Variants in INPP4B observed in about 807,000 individuals in gnomAD.
INPP4B encodes the protein inositol polyphosphate-4-phosphatase type II B.
In INPP4B, 55 loss-of-function variants were observed where a neutral mutation model predicts 122.5. The ratio of observed to expected loss-of-function variants is 0.45; its 90% confidence interval spans 0.36 to 0.56. The LOEUF (loss-of-function observed/expected upper bound fraction) is 0.56. INPP4B is among the 20% of genes least tolerant of loss of function. The pLI, the probability that INPP4B is intolerant of heterozygous loss-of-function variation, is 0.00. For synonymous variants in INPP4B, 403 were observed against 388.7 expected, an observed-to-expected ratio of 1.04 and a Z score of -0.43; for missense variants, 1,000 against 1,097.7, an observed-to-expected ratio of 0.91 and a Z score of 1.26.
At position 142,271,182 on chromosome 4, in the gene INPP4B, A is replaced by C. The variant is rs1002900192; in HGVS notation, c.504-408T>G. ...GGTGTCAAACTCCCAACCTCAGGTG[A>C]TCCACCCGCCTAGGCCTCCCAAAGT... is the stretch of plus-strand genomic sequence containing the variant. On this transcript the variant is annotated intron_variant, in intron 9 of 25. Transcript: ENST00000262992. 2.3e-4 allele frequency among the ~76,000 whole-genome samples: 35 copies of C among 152,078 alleles called. 1 individual carries two copies. Among genetic ancestry groups the C allele is most frequent in the Admixed American group, 1.8e-3 (28 of 15,260 alleles).
chr4:142,568,118 G>C (rs2150148579), intron 2 of INPP4B, among the ~76,000 whole-genome samples: 1 of 150,542 alleles, frequency 6.6e-6, no homozygotes, highest in African/African-American at 2.4e-5. Context: ...GTTTGGCTTT[G>C]ATTATTCTTT....
At chr4:142,792,466 T>C (rs1014390887) in intron 1 of INPP4B, among the ~76,000 whole-genome samples, 2 of 152,106 alleles carry the variant, frequency 1.3e-5, no homozygotes, top group Non-Finnish European at 2.9e-5. Flanking sequence ...TAATAATTCT[T>C]TGAATGCTTT....
At chr4:142,265,958 G>T (rs915681674) in intron 10 of INPP4B, among the ~76,000 whole-genome samples, 13 of 152,182 alleles carry the variant, frequency 8.5e-5, no homozygotes, top group African/African-American at 3.1e-4. Flanking sequence ...GAGTCAAAAG[G>T]TGGGCTAGTT....
chr4:142,494,124 T>C (rs1460258250), intron 2 of INPP4B, among the ~76,000 whole-genome samples: 2 of 152,170 alleles, frequency 1.3e-5, no homozygotes, highest in Non-Finnish European at 2.9e-5. Flanking sequence ...CCACCATGAT[T>C]GTAAGTTTCC....
At chr4:142,679,069 C>A (rs1758216071) in intron 2 of INPP4B, among the ~76,000 whole-genome samples, 1 of 151,846 alleles carries the variant, frequency 6.6e-6, no homozygotes. Flanking sequence ...TTTATTTTTA[C>A]CTCTCAAGAG....
At chr4:142,293,991 G>A (rs2151007225) in intron 9 of INPP4B, among the ~76,000 whole-genome samples, 1 of 152,296 alleles carries the variant, frequency 6.6e-6, no homozygotes, top group East Asian at 1.9e-4. Flanking sequence ...GCTAAGTAAT[G>A]TGTACACGTG....
chr4:142,170,510 G>A (rs948843408), intron 16 of INPP4B, among the ~76,000 whole-genome samples: 2 of 151,654 alleles, frequency 1.3e-5, no homozygotes, highest in Non-Finnish European at 3.0e-5. Flanking sequence ...AAAACACAAC[G>A]TGTGTGATTG....
In INPP4B at chr4:142,604,440, C is replaced by G. The variant is rs76041795; in HGVS notation, c.-191+121399G>C. Among the ~76,000 whole-genome samples the G allele has an allele frequency of 1.9e-3, 285 of 152,140 alleles. 1 individual carries two copies. Among genetic ancestry groups the G allele is most frequent in the Admixed American group, 2.6e-3 (40 of 15,272 alleles). On this transcript the variant is annotated intron_variant, in intron 2 of 25. Coordinates refer to ENST00000262992, the MANE Select transcript of INPP4B (RefSeq NM_001101669.3). ...TTGGAAAAGAGGAAGTTAAATTTGTCTCTTTCCAGATGACATGATCTTATA... is the reference window on the plus strand; with the variant it reads ...TTGGAAAAGAGGAAGTTAAATTTGTGTCTTTCCAGATGACATGATCTTATA...
intron 16 of INPP4B, among the ~76,000 whole-genome samples, chr4:142,167,557 A>T (rs77197874): frequency 0.098 from 14,854 of 151,762 alleles, 803 homozygotes; most frequent in Middle Eastern, 0.14. Flanking sequence ...CTAACATTAA[A>T]TTTTTAAAAA....
intron 1 of INPP4B, among the ~76,000 whole-genome samples, chr4:142,758,888 A>G (rs1326119905): frequency 6.6e-6 from 1 of 150,816 alleles, no homozygotes; most frequent in African/African-American, 2.4e-5. Flanking sequence ...AGATGGTGGA[A>G]GTTGCAGGGA....
At chr4:142,630,562 C>A (rs920857489) in intron 2 of INPP4B, among the ~76,000 whole-genome samples, 1 of 151,950 alleles carries the variant, frequency 6.6e-6, no homozygotes, top group African/African-American at 2.4e-5. Flanking sequence ...CTGAGGGCAA[C>A]TAGAAATCTG....
chr4:142,374,511 A>G (rs904402354), intron 7 of INPP4B, among the ~76,000 whole-genome samples: 1 of 151,906 alleles, frequency 6.6e-6, no homozygotes, highest in Non-Finnish European at 1.5e-5. Context: ...GGGAAACAGC[A>G]TATATGCCAC....
intron 7 of INPP4B, among the ~76,000 whole-genome samples, chr4:142,376,744 G>A (rs569491002): frequency 1.3e-5 from 2 of 152,056 alleles, no homozygotes; most frequent in South Asian, 4.2e-4. Context: ...ACTTCCTATA[G>A]TTCAGTGGAT....
intron 2 of INPP4B, among the ~76,000 whole-genome samples, chr4:142,548,404 A>G (rs1335755156): frequency 6.6e-6 from 1 of 152,230 alleles, no homozygotes; most frequent in Non-Finnish European, 1.5e-5. Context: ...GGAAAAGTCT[A>G]CTTTCTGAAA....
intron 11 of INPP4B, among the ~76,000 whole-genome samples, chr4:142,255,227 C>A (rs924523460): frequency 5.3e-5 from 8 of 151,910 alleles, no homozygotes; most frequent in Non-Finnish European, 7.4e-5. Flanking sequence ...AAAGGAACAA[C>A]CGGTACCAGC....
At chr4:142,168,222 T>C (rs943476058) in intron 16 of INPP4B, among the ~76,000 whole-genome samples, 2 of 151,544 alleles carry the variant, frequency 1.3e-5, no homozygotes, top group African/African-American at 4.8e-5. Flanking sequence ...TGTAGTTTCA[T>C]TAAATTTTGA....
chr4:142,291,600 C>T (rs1030072414), intron 9 of INPP4B, among the ~76,000 whole-genome samples: 3 of 152,142 alleles, frequency 2.0e-5, no homozygotes, highest in African/African-American at 7.2e-5. Flanking sequence ...ACTGTCTTCT[C>T]GCTTCACAGT....
chr4:142,465,749 T>C (rs1418935909), intron 2 of INPP4B, among the ~76,000 whole-genome samples: 2 of 152,166 alleles, frequency 1.3e-5, no homozygotes, highest in African/African-American at 4.8e-5. Context: ...GGAGGATCCT[T>C]CATGAATGGC....
At chr4:142,742,108 G>A (rs970707245) in intron 1 of INPP4B, among the ~76,000 whole-genome samples, 4 of 151,828 alleles carry the variant, frequency 2.6e-5, no homozygotes, top group Non-Finnish European at 2.9e-5. Flanking sequence ...GCCCTACCCA[G>A]ATTTCCTTCA....
Sources: allele counts gnomAD v4.1 joint callset (sites outside exome capture counted in the v4.1 genomes callset), GRCh38; gene constraint gnomAD v4.1.1; transcripts MANE v1.5; gene names NCBI Gene and HGNC (gene_info 2026-07-23, HGNC 2026-07-21).